The following C1orf198 variants were observed in gnomAD, a reference collection of about 807,000 sequenced individuals.
C1orf198 encodes uncharacterized protein C1orf198.
In C1orf198, 17 loss-of-function variants were observed where a neutral mutation model predicts 31.4. The ratio of observed to expected loss-of-function variants is 0.54; its 90% CI spans 0.37 to 0.81. C1orf198 has a LOEUF of 0.81. C1orf198 is among the 40% of genes least tolerant of loss of function. The probability of loss-of-function intolerance (pLI) is 0.00; values close to 1 mark genes in which losing one functional copy is unlikely to be tolerated. For missense variants in C1orf198, 401 were observed against 450.3 expected (o/e 0.89, Z 0.99); for synonymous variants, 175 against 193.8 (o/e 0.90, Z 0.81).
At chr1:230,858,186 C>A (rs1389767914) in intron 1 of C1orf198, among the ~76,000 whole-genome samples, 1 of 152,124 alleles carries the variant, frequency 6.6e-6, no homozygotes, top group Non-Finnish European at 1.5e-5. Context: ...CTCTAGGGGG[C>A]TCCTTGTCCA....
At chr1:230,855,751 T>C (rs372088926) in intron 1 of C1orf198, 33 bp from the exon 2 acceptor site, 4 of 1,612,034 alleles carry the variant, frequency 2.5e-6, no homozygotes, top group Non-Finnish European at 2.5e-6. Context: ...AGTCTGAAAT[T>C]CAAACCCAGA....
At chr1:230,846,048 C>T (rs1669581011) in intron 2 of C1orf198, among the ~76,000 whole-genome samples, 1 of 152,214 alleles carries the variant, frequency 6.6e-6, no homozygotes, top group Admixed American at 6.5e-5. Flanking sequence ...AGACAATTTG[C>T]TATTTCTAAG....
Position 230,843,348 on chromosome 1 carries a change from A to C in C1orf198, c.927+6T>G. 6.4e-7 allele frequency: 1 copy of C among 1,552,594 alleles called. No homozygotes were observed. The highest frequency in any genetic ancestry group is 8.7e-7 in the Non-Finnish European group (1 of 1,147,448). On this transcript the variant is annotated splice_donor_region_variant and intron_variant, in intron 3 of 3. Transcript: ENST00000366663. The surrounding 1 kb of genome is among the most constrained non-coding windows in gnomAD (Gnocchi z 4.9). ...ATCTGAGGACGCGCTGGTAAAGGCCACTCACCTGTGCAAACTTGGGTTCCG... is the reference window on the plus strand; with the variant it reads ...ATCTGAGGACGCGCTGGTAAAGGCCCCTCACCTGTGCAAACTTGGGTTCCG...
At chr1:230,853,811 G>T (rs1669802919) in intron 2 of C1orf198, among the ~76,000 whole-genome samples, 1 of 152,156 alleles carries the variant, frequency 6.6e-6, no homozygotes, top group Non-Finnish European at 1.5e-5. Flanking sequence ...GTTCCTAAGG[G>T]ACCAGATATG....
chr1:230,868,082 A>T, intron 1 of C1orf198, 98 bp downstream of exon 1: 1 of 1,196,498 alleles, frequency 8.4e-7, no homozygotes, highest in Non-Finnish European at 1.1e-6. Flanking sequence ...TCCAGCCCCT[A>T]CCAGCTGGGG....
intron 1 of C1orf198, among the ~76,000 whole-genome samples, chr1:230,860,304 T>C (rs539397383): frequency 2.0e-5 from 3 of 152,290 alleles, no homozygotes; most frequent in African/African-American, 7.2e-5. Context: ...GTTCGGCAGT[T>C]CCTCAAAAAA....
rs1669394821 is a variant in C1orf198, at chr1:230,839,738, A to C, written c.*114T>G. Reference sequence around the variant, plus strand: ...GACCAGTTTCCAAATGATTAAGAAAAGAGTGTCAAGAAACCAGTAAAATAC... The same window carrying C: ...GACCAGTTTCCAAATGATTAAGAAACGAGTGTCAAGAAACCAGTAAAATAC... On this transcript the variant is annotated 3_prime_UTR_variant, in exon 4 of 4. Transcript: ENST00000366663. 5 of 907,014 alleles carry C rather than the reference A, an allele frequency of 5.5e-6. No homozygotes were observed. The Admixed American group carries it at 1.3e-4, about 23-fold the overall frequency. 56.2% of individuals were successfully genotyped at this position (907,014 alleles called of 1,614,324 possible).
intron 3 of C1orf198, among the ~76,000 whole-genome samples, chr1:230,841,821 T>C (rs73108548): frequency 0.054 from 8,183 of 152,284 alleles, 701 homozygotes; most frequent in African/African-American, 0.18. Context: ...GAAGACTTAT[T>C]TGTACATACA....
At chr1:230,852,981 C>G (rs1558139746) in intron 2 of C1orf198, among the ~76,000 whole-genome samples, 2 of 152,214 alleles carry the variant, frequency 1.3e-5, no homozygotes, top group African/African-American at 4.8e-5. Context: ...CGTTCCCGCA[C>G]ACGGATCTCT....
rs138220865 is a variant in C1orf198, at chr1:230,850,317, A to C, written c.384+5351T>G. On this transcript the variant is annotated intron_variant, in intron 2 of 3. Coordinates refer to ENST00000366663, the MANE Select transcript of C1orf198 (RefSeq NM_032800.3). ...TTTATGCCATAGTTTCCTCATCTGT[A>C]AGGTGGGTTGCTGTGAGGATTACAC... Among the ~76,000 whole-genome samples, 253 of 152,350 alleles carry C rather than the reference A, an allele frequency of 1.7e-3. 3 individuals carry two copies. Among genetic ancestry groups the C allele is most frequent in the South Asian group, 0.013 (63 of 4,826 alleles).
At chr1:230,853,533 C>A (rs546584770) in intron 2 of C1orf198, among the ~76,000 whole-genome samples, 2 of 152,068 alleles carry the variant, frequency 1.3e-5, no homozygotes, top group Non-Finnish European at 2.9e-5. Flanking sequence ...GGGACAGCTC[C>A]CTTGCTCTCT....
intron 3 of C1orf198, among the ~76,000 whole-genome samples, chr1:230,841,705 T>G (rs1669447611): frequency 6.6e-6 from 1 of 152,212 alleles, no homozygotes; most frequent in African/African-American, 2.4e-5. Flanking sequence ...GCAGCTGCTG[T>G]GGCGAACAGT....
chr1:230,842,331 T>C (rs1287407211), intron 3 of C1orf198, among the ~76,000 whole-genome samples: 3 of 152,202 alleles, frequency 2.0e-5, no homozygotes, highest in East Asian at 3.8e-4. Flanking sequence ...ATTCAGTATA[T>C]GGAACCAGCC....
chr1:230,868,070 T>A (rs1201625819), intron 1 of C1orf198, 110 bp downstream of exon 1: 1 of 1,185,974 alleles, frequency 8.4e-7, no homozygotes, highest in Admixed American at 4.2e-5. Flanking sequence ...TGCCTTTTCT[T>A]TTCCAGCCCC....
At chr1:230,861,162 C>T (rs1022880202) in intron 1 of C1orf198, among the ~76,000 whole-genome samples, 1 of 152,098 alleles carries the variant, frequency 6.6e-6, no homozygotes, top group South Asian at 2.1e-4. Context: ...CCTCCAAGAG[C>T]GACCCCTAGT....
At chr1:230,849,009 C>T (rs1288411163) in intron 2 of C1orf198, among the ~76,000 whole-genome samples, 2 of 152,178 alleles carry the variant, frequency 1.3e-5, no homozygotes, top group Non-Finnish European at 2.9e-5. Flanking sequence ...CAGGACAGAG[C>T]GAAAAGTGGC....
At chr1:230,864,275 G>A (rs762884703) in intron 1 of C1orf198, among the ~76,000 whole-genome samples, 11 of 152,178 alleles carry the variant, frequency 7.2e-5, no homozygotes, top group Non-Finnish European at 1.6e-4. Context: ...CCCTAGGTTT[G>A]CAGAAAGGTC....
chr1:230,855,262 G>T (rs1409604619), intron 2 of C1orf198, among the ~76,000 whole-genome samples: 1 of 152,188 alleles, frequency 6.6e-6, no homozygotes, highest in Non-Finnish European at 1.5e-5. Flanking sequence ...CTATCAATCA[G>T]CTCGTCACCT....
In C1orf198 at chr1:230,837,651, G is replaced by A. The variant is rs1246140491; in HGVS notation, c.*2201C>T. On this transcript the variant is annotated 3_prime_UTR_variant, in exon 4 of 4. Transcript: ENST00000366663. ...AGATCTGCCGGTCAGGCAGGATGAA[G>A]ACCCACACAGGAGCCTGTGTCCTCC... is the stretch of plus-strand genomic sequence containing the variant. The A allele has an allele frequency of 6.6e-6, 1 of 152,196 alleles. No individual in the cohort carries two copies. Among genetic ancestry groups the A allele is most frequent in the East Asian group, 1.9e-4 (1 of 5,196 alleles). 9.4% of individuals were successfully genotyped at this position (152,196 alleles called of 1,614,324 possible). A position where few individuals can be genotyped will look rare whatever the true frequency, so the allele number is the denominator to read the frequency against.
Sources: allele counts gnomAD v4.1 joint callset (sites outside exome capture counted in the v4.1 genomes callset), GRCh38; gene constraint gnomAD v4.1.1; non-coding constraint Gnocchi (gnomAD v3.1); transcripts MANE v1.5; gene names NCBI Gene and HGNC (gene_info 2026-07-23, HGNC 2026-07-21).